The following CYB5R1 variants were observed in gnomAD, a reference collection of about 807,000 sequenced individuals.
CYB5R1 encodes NADH-cytochrome b5 reductase 1.
A neutral mutation model predicts 37.4 loss-of-function variants in CYB5R1; 32 were observed. The observed-to-expected ratio is 0.86, with a 90% CI of 0.65 to 1.15. CYB5R1 has a LOEUF of 1.15. Among genes scored for constraint, CYB5R1 ranks in the 50% most tolerant of loss-of-function variants. CYB5R1 has a pLI of 0.00. For missense variants in CYB5R1, 345 were observed against 382.5 expected (o/e 0.90, Z 0.82); for synonymous variants, 159 against 155.2 (o/e 1.02, Z -0.18).
chr1:202,967,223 TC>T lies in CYB5R1; in HGVS notation c.-19del, dbSNP rs777190901. 1 of 1,521,462 alleles carries T rather than the reference TC, an allele frequency of 6.6e-7. No homozygotes were observed. Among genetic ancestry groups the T allele is most frequent in the East Asian group, 2.7e-5 (1 of 36,456 alleles). 94.2% of individuals were successfully genotyped at this position (1,521,462 alleles called of 1,614,324 possible). A position where few individuals can be genotyped will look rare whatever the true frequency, so the allele number is the denominator to read the frequency against. ...ATCCCCATGACGGAGCGCCTTTTCCTCCACCACCTGACAAGCCGACAGATCC... is the reference window on the plus strand; with the variant it reads ...ATCCCCATGACGGAGCGCCTTTTCCTCACCACCTGACAAGCCGACAGATCC... On this transcript the variant is annotated 5_prime_UTR_variant, in exon 1 of 9. Transcript: ENST00000367249.
rs1655105446 is a variant in CYB5R1, at chr1:202,966,811, G to T, written c.103C>A (p.Arg35=). ...VGSYLVRRSR[R]PQVTLLDPNE... ...GGGTCCAGGAGAGTGACCTGAGGCC[G>T]GCGGGACCTCCGAACCAAGTAGGAG... Residue 35 remains arginine (R), a synonymous_variant, in exon 2 of 9, where the codon CGG becomes AGG. Coordinates refer to ENST00000367249, the MANE Select transcript of CYB5R1 (RefSeq NM_016243.3). 2 of 1,614,128 alleles carry T rather than the reference G, an allele frequency of 1.2e-6. No homozygotes were observed. Among genetic ancestry groups the T allele is most frequent in the Non-Finnish European group, 1.7e-6 (2 of 1,179,994 alleles).
intron 6 of CYB5R1, chr1:202,963,967 TCTTCTGAAAGTCCTTTGGAGG>T (rs1470040745): frequency 3.8e-4 from 149 of 388,518 alleles, no homozygotes; most frequent in Non-Finnish European, 6.3e-4. Context: ...AATCTAAGAC[TCTTCTGAAAGTCCTTTGGAGG>T]CTAGGACTCC....
chr1:202,965,327 C>T, intron 5 of CYB5R1, 44 bp downstream of exon 5: 8 of 1,530,398 alleles, frequency 5.2e-6, no homozygotes, highest in Non-Finnish European at 7.0e-6. Flanking sequence ...ACTATGGGAA[C>T]TGATAAAGTG....
In CYB5R1 at chr1:202,965,380, T is replaced by G. The variant is rs1022456347; in HGVS notation, c.466A>C (p.Thr156Pro). ...FRGPSGLLTY[T>P]GKGHFNIQPN... ...GAAGACAGGTCATTACCTTTTCCAG[T>G]GTAAGTGAGCAACCCGCTTGGCCCC... Residue 156 changes from threonine to proline, a missense_variant, in exon 5 of 9, where the codon ACT (threonine) becomes CCT (proline). Transcript: ENST00000367249. 5 of 1,594,508 alleles carry G rather than the reference T, an allele frequency of 3.1e-6. No individual in the cohort carries two copies. Among genetic ancestry groups the G allele is most frequent in the East Asian group, 2.3e-5 (1 of 43,914 alleles).
chr1:202,965,005 C>T (rs1031851070), intron 5 of CYB5R1: 3 of 461,780 alleles, frequency 6.5e-6, no homozygotes, highest in Non-Finnish European at 1.2e-5. Context: ...AAGTGGCACA[C>T]AGCAGCTCCA....
At chr1:202,967,149 G>A in intron 1 of CYB5R1, 42 bp downstream of exon 1, 1 of 1,604,260 alleles carries the variant, frequency 6.2e-7, no homozygotes, top group East Asian at 2.2e-5. Context: ...GAACCAGATG[G>A]GGAGGGGTCC....
At position 202,962,498 on chromosome 1, in the gene CYB5R1, C is replaced by T. The variant is rs370993612; in HGVS notation, c.*29G>A. 182 of 1,571,780 alleles carry T rather than the reference C, an allele frequency of 1.2e-4. 2 individuals carry two copies. The South Asian group carries it at 1.2e-3, about 10-fold the overall frequency. On this transcript the variant is annotated 3_prime_UTR_variant, in exon 9 of 9. Coordinates refer to ENST00000367249, the MANE Select transcript of CYB5R1 (RefSeq NM_016243.3). ...GAGTACTGATGGGGAACAACTGCAG[C>T]GAACAGCACCAGGGAAGCTGGAGGA...
Position 202,964,609 on chromosome 1 carries a change from C to T in CYB5R1, c.559+3G>A. The T allele has an allele frequency of 1.2e-6, 2 of 1,609,610 alleles. No homozygotes were observed. The highest frequency in any genetic ancestry group is 2.2e-5 in the South Asian group (2 of 90,954). On this transcript the variant is annotated splice_donor_region_variant and intron_variant, in intron 6 of 8. Coordinates refer to ENST00000367249, the MANE Select transcript of CYB5R1 (RefSeq NM_016243.3). Reference sequence around the variant, plus strand: ...GGAGAGAAAGGCCCTCAGTGTAATGCACCTGTCCCGCCGGCAATCATTCCC... The same window carrying T: ...GGAGAGAAAGGCCCTCAGTGTAATGTACCTGTCCCGCCGGCAATCATTCCC...
rs201222473 is a variant in CYB5R1, at chr1:202,963,075, G to A, written c.736C>T (p.Pro246Ser). 1.2e-6 allele frequency: 2 copies of A among 1,613,836 alleles called. No individual in the cohort carries two copies. The highest frequency in any genetic ancestry group is 1.7e-6 in the Non-Finnish European group (2 of 1,179,698). The change falls in exon 8 of 9, where the codon CCC (proline) becomes TCC (serine). Residue 246 changes from proline (P) to serine (S), a missense_variant. Physicochemically the swap from Pro to Ser is moderately conservative, Grantham distance 74. Coordinates refer to ENST00000367249, the MANE Select transcript of CYB5R1 (RefSeq NM_016243.3). Reference sequence around the variant, plus strand: ...GAAATGGGAAGGATACCTTTTGGGGGATGATCCAGAGTGAACCAGAGCTTA... The same window carrying A: ...GAAATGGGAAGGATACCTTTTGGGGAATGATCCAGAGTGAACCAGAGCTTA... ...RFKLWFTLDH[P>S]PKDWAYSKGF...
intron 5 of CYB5R1, chr1:202,965,156 C>T (rs1256645203): frequency 1.9e-5 from 11 of 569,614 alleles, no homozygotes; most frequent in South Asian, 1.0e-4. Flanking sequence ...TCCACAGCTG[C>T]CATGGCTAGG....
chr1:202,965,221 C>G (rs1036344532), intron 5 of CYB5R1, 150 bp downstream of exon 5: 11 of 879,734 alleles, frequency 1.3e-5, no homozygotes, highest in Non-Finnish European at 1.8e-5. Context: ...GAGAAACATG[C>G]CTTTCTATTG....
In CYB5R1 at chr1:202,963,723, G is replaced by T; in HGVS notation, c.564C>A (p.Ile188=). ...CCCGGATCAGCTGTAGCATTGGGGT[G>T]ATTCCTGCATGAAGATACCCCACAG... is the stretch of plus-strand genomic sequence containing the variant. ...KLGMIAGGTG[I]TPMLQLIRAI... is the part of the protein sequence containing the mutation. Residue 188 remains isoleucine (I), a synonymous_variant, in exon 7 of 9, where the codon ATC becomes ATA. Transcript: ENST00000367249. The T allele has an allele frequency of 6.2e-7, 1 of 1,604,610 alleles. No homozygotes were observed. Among genetic ancestry groups the T allele is most frequent in the Non-Finnish European group, 8.5e-7 (1 of 1,174,640 alleles).
In CYB5R1 at chr1:202,963,699, C is replaced by G; in HGVS notation, c.588G>C (p.Arg196=). Residue 196 remains arginine, a synonymous_variant, in exon 7 of 9, where the codon CGG becomes CGC. Coordinates refer to ENST00000367249, the MANE Select transcript of CYB5R1 (RefSeq NM_016243.3). ...TGITPMLQLI[R]AILKVPEDPT... Reference sequence around the variant, plus strand: ...GATCTTCAGGGACTTTCAGGATGGCCCGGATCAGCTGTAGCATTGGGGTGA... The same window carrying G: ...GATCTTCAGGGACTTTCAGGATGGCGCGGATCAGCTGTAGCATTGGGGTGA... The G allele has an allele frequency of 6.2e-7, 1 of 1,610,156 alleles. No individual in the cohort carries two copies. The highest frequency in any genetic ancestry group is 8.5e-7 in the Non-Finnish European group (1 of 1,178,026).
chr1:202,965,602 G>T, intron 4 of CYB5R1, 102 bp from the exon 5 acceptor site: 1 of 1,219,662 alleles, frequency 8.2e-7, no homozygotes, highest in Non-Finnish European at 1.1e-6. Flanking sequence ...TCAGATATGT[G>T]CTATCTTTTC....
At position 202,966,823 on chromosome 1, in the gene CYB5R1, G is replaced by C. The variant is rs766821819; in HGVS notation, c.91C>G (p.Arg31Gly). The C allele has an allele frequency of 1.2e-6, 2 of 1,614,070 alleles. No individual in the cohort carries two copies. Among genetic ancestry groups the C allele is most frequent in the Non-Finnish European group, 1.7e-6 (2 of 1,179,994 alleles). ...GTGACCTGAGGCCGGCGGGACCTCC[G>C]AACCAAGTAGGAGCCCACAGCCAGG... ...LGLAVGSYLV[R>G]RSRRPQVTLL... Residue 31 changes from arginine to glycine, a missense_variant, in exon 2 of 9, where the codon CGG becomes GGG. By Grantham distance (125) the Arg-to-Gly change is moderately radical (BLOSUM62 -2). Transcript: ENST00000367249.
In CYB5R1 at chr1:202,964,524, A is replaced by G. The variant is rs1655048307; in HGVS notation, c.559+88T>C. On this transcript the variant is annotated intron_variant, in intron 6 of 8. Transcript: ENST00000367249. ...TCCCCTGATGAACAACAGCTTGGCT[A>G]TGGTTACCAGTCTTCAGAGGGTCAC... 3.0e-6 allele frequency: 3 copies of G among 992,338 alleles called. No individual in the cohort carries two copies. The African/African-American group carries it at 4.8e-5, about 16-fold the overall frequency. 61.5% of individuals were successfully genotyped at this position (992,338 alleles called of 1,614,324 possible).
chr1:202,966,268 G>C, intron 3 of CYB5R1: 1 of 597,830 alleles, frequency 1.7e-6, no homozygotes, highest in Non-Finnish European at 3.0e-6. Flanking sequence ...AGTTAGTAGT[G>C]CTTGCTCAGA....
chr1:202,966,481 C>T, intron 3 of CYB5R1, 47 bp downstream of exon 3: 3 of 1,599,546 alleles, frequency 1.9e-6, no homozygotes, highest in South Asian at 1.1e-5. Flanking sequence ...AGGGGAGTCA[C>T]CTTCTGAGGA....
rs1013726036 is a variant in CYB5R1, at chr1:202,963,527, C to A, written c.645+115G>T. On this transcript the variant is annotated intron_variant, in intron 7 of 8. Coordinates refer to ENST00000367249, the MANE Select transcript of CYB5R1 (RefSeq NM_016243.3). Reference sequence around the variant, plus strand: ...AGGACCCTGTGCCTTACAGAGGGGACCTTGGGCAGAGGCTAAAACAGGGCA... The same window carrying A: ...AGGACCCTGTGCCTTACAGAGGGGAACTTGGGCAGAGGCTAAAACAGGGCA... 2.1e-4 allele frequency: 151 copies of A among 716,204 alleles called. No homozygotes were observed. The Middle Eastern group carries it at 5.2e-3, about 25-fold the overall frequency. The allele number at this position is 716,204 out of a possible 1,614,324, so 44.4% of individuals were successfully genotyped here.
Sources: allele counts gnomAD v4.1 joint callset, GRCh38; gene constraint gnomAD v4.1.1; transcripts MANE v1.5; gene names NCBI Gene and HGNC (gene_info 2026-07-23, HGNC 2026-07-21).